Variants in ACOT8 observed in about 807,000 individuals in gnomAD.
ACOT8 encodes the protein acyl-coenzyme A thioesterase 8.
A neutral mutation model predicts 38.4 loss-of-function variants in ACOT8; 31 were observed. That is an observed-to-expected ratio of 0.81 (90% CI 0.61 to 1.09). The LOEUF (loss-of-function observed/expected upper bound fraction) is 1.09. ACOT8 is among the 50% of genes least tolerant of loss of function. The pLI is 0.00. For synonymous variants in ACOT8, 158 were observed against 170.3 expected, an observed-to-expected ratio of 0.93 and a Z score of 0.56; for missense variants, 373 against 421.8, an observed-to-expected ratio of 0.88 and a Z score of 1.01.
rs758017983 is a variant in ACOT8 at position 45,848,540 on chromosome 20, G to A, written c.398C>T (p.Pro133Leu). The change falls in exon 3 of 6, where the codon CCC becomes CTC. Residue 133 changes from proline (P) to leucine (L), a missense_variant. Transcript: ENST00000217455. ...ICQASFQQAQ[P>L]SPMQHQFSMP... is the part of the protein sequence containing the mutation. ...GGAGAACTGGTGCTGCATGGGGCTGGGCTGGGCCTGCTGGAAGGAGGCCTG... is the reference window on the plus strand; with the variant it reads ...GGAGAACTGGTGCTGCATGGGGCTGAGCTGGGCCTGCTGGAAGGAGGCCTG... 1 of 1,614,096 alleles carries A rather than the reference G, an allele frequency of 6.2e-7. No individual in the cohort carries two copies. Among genetic ancestry groups the A allele is most frequent in the South Asian group, 1.1e-5 (1 of 91,076 alleles).
At chr20:45,852,921 G>A (rs1245314264) in intron 2 of ACOT8, among the ~76,000 whole-genome samples, 4 of 151,992 alleles carry the variant, frequency 2.6e-5, no homozygotes, top group Non-Finnish European at 5.9e-5. Context: ...GGCACATGCC[G>A]CCATGCCTGG....
chr20:45,843,125 C>A lies in ACOT8; in HGVS notation c.841+402G>T, dbSNP rs115629094. On this transcript the variant is annotated intron_variant, in intron 5 of 5. Coordinates refer to ENST00000217455, the MANE Select transcript of ACOT8 (RefSeq NM_005469.4). ...AGAATCTTGAGGGTGGAATCAGAAT[C>A]TATTTTGAAAAGGCATCCCCAAATG... is the stretch of plus-strand genomic sequence containing the variant. The A allele has an allele frequency of 2.9e-3, 2,964 of 1,020,816 alleles. 66 individuals carry two copies. The African/African-American group carries it at 0.044, about 15-fold the overall frequency. 63.2% of individuals were successfully genotyped at this position (1,020,816 alleles called of 1,614,324 possible). A position where few individuals can be genotyped will look rare whatever the true frequency, so the allele number is the denominator to read the frequency against.
At chr20:45,848,779 C>G in intron 2 of ACOT8, 104 bp from the exon 3 acceptor site, 1 of 1,037,258 alleles carries the variant, frequency 9.6e-7, no homozygotes, top group Non-Finnish European at 1.4e-6. Context: ...ATCTCAGTGA[C>G]TACTAACTGA....
chr20:45,844,710 T>C (rs1984550444), intron 3 of ACOT8, among the ~76,000 whole-genome samples: 1 of 152,230 alleles, frequency 6.6e-6, no homozygotes, highest in Non-Finnish European at 1.5e-5. Context: ...ATCATGAATA[T>C]CTAACCAACA....
intron 2 of ACOT8, chr20:45,853,955 A>C (rs757940811): frequency 1.2e-5 from 16 of 1,304,448 alleles, no homozygotes; most frequent in African/African-American, 1.5e-5. Flanking sequence ...TCAGCTGGGG[A>C]TCTACGCAGA....
chr20:45,845,705 A>G (rs73291267), intron 3 of ACOT8, among the ~76,000 whole-genome samples: 5,614 of 152,272 alleles, frequency 0.037, 373 homozygotes, highest in African/African-American at 0.13. Context: ...AGAACCTCCT[A>G]TGATGATGGA....
rs145567953 is a variant in ACOT8, at chr20:45,852,353, T to C, written c.262+2806A>G. On this transcript the variant is annotated intron_variant, in intron 2 of 5. Coordinates refer to ENST00000217455, the MANE Select transcript of ACOT8 (RefSeq NM_005469.4). ...TGGCTAATTTTTGTGTGTGTTTTTTTTTTTTAGTAGAGATGGAGTTTCGCC... is the reference window on the plus strand; with the variant it reads ...TGGCTAATTTTTGTGTGTGTTTTTTCTTTTTAGTAGAGATGGAGTTTCGCC... Among the ~76,000 whole-genome samples the C allele has an allele frequency of 2.8e-3, 429 of 151,878 alleles. 3 individuals are homozygous for C. The highest frequency in any genetic ancestry group is 0.01 in the Middle Eastern group (3 of 294).
chr20:45,846,135 C>A (rs555348042), intron 3 of ACOT8, among the ~76,000 whole-genome samples: 63 of 152,298 alleles, frequency 4.1e-4, no homozygotes, highest in African/African-American at 1.4e-3. Flanking sequence ...CCACTGCGCC[C>A]GGACCTATTT....
At chr20:45,847,430 A>G (rs1984753974) in intron 3 of ACOT8, among the ~76,000 whole-genome samples, 1 of 150,906 alleles carries the variant, frequency 6.6e-6, no homozygotes, top group Admixed American at 6.6e-5. Context: ...TATATATAAA[A>G]TATATATATG....
chr20:45,855,689 G>T (rs1396081893), intron 1 of ACOT8, among the ~76,000 whole-genome samples: 1 of 152,188 alleles, frequency 6.6e-6, no homozygotes, highest in Non-Finnish European at 1.5e-5. Flanking sequence ...GGAGGCAGAG[G>T]TTGAGGTGAG....
intron 2 of ACOT8, among the ~76,000 whole-genome samples, chr20:45,852,175 CT>C (rs960180658): frequency 1.0e-3 from 149 of 143,564 alleles, no homozygotes; most frequent in Non-Finnish European, 1.0e-3. Flanking sequence ...GCTAATTTTC[CT>C]TTTTTTTTTT....
intron 1 of ACOT8, among the ~76,000 whole-genome samples, 191 bp downstream of exon 1, chr20:45,856,997 C>G (rs1464927135): frequency 6.6e-6 from 1 of 152,138 alleles, no homozygotes; most frequent in African/African-American, 2.4e-5. Context: ...GACCTCGCAG[C>G]GCGGAGAGGA....
Position 45,855,223 on chromosome 20 carries a change from A to G in ACOT8, c.198T>C (p.Ala66=). The G allele has an allele frequency of 1.9e-6, 3 of 1,614,202 alleles. No homozygotes were observed. The highest frequency in any genetic ancestry group is 2.2e-5 in the South Asian group (2 of 91,090). The change falls in exon 2 of 6, where the codon GCT becomes GCC. Residue 66 remains alanine, a synonymous_variant. Coordinates refer to ENST00000217455, the MANE Select transcript of ACOT8 (RefSeq NM_005469.4). Reference sequence around the variant, plus strand: ...CGTCTTCACTCACAGACTTGGCTGCAGCCACCAGGGCCTGGCCCACGATCT... The same window carrying G: ...CGTCTTCACTCACAGACTTGGCTGCGGCCACCAGGGCCTGGCCCACGATCT... ...GGQIVGQALV[A]AAKSVSEDVH...
Position 45,843,886 on chromosome 20 carries a change from G to A in ACOT8, c.647-165C>T, listed in dbSNP as rs1984467998. The A allele has an allele frequency of 7.4e-6, 10 of 1,352,012 alleles. No individual in the cohort carries two copies. In the South Asian group the frequency reaches 7.5e-5, roughly 10 times the overall value. 83.8% of individuals were successfully genotyped at this position (1,352,012 alleles called of 1,614,324 possible). ...TGTGATAGGGGAGAAGTGAGATGGC[G>A]ACTTGGGGAGGGCAGGGGTGAGCAG... On this transcript the variant is annotated intron_variant, in intron 4 of 5. Coordinates refer to ENST00000217455, the MANE Select transcript of ACOT8 (RefSeq NM_005469.4).
At chr20:45,850,701 A>T (rs1195831680) in intron 2 of ACOT8, among the ~76,000 whole-genome samples, 2 of 152,146 alleles carry the variant, frequency 1.3e-5, no homozygotes, top group African/African-American at 4.8e-5. Context: ...TACAAAAAAT[A>T]AAAAATAAAA....
chr20:45,843,004 G>A (rs1057227638), intron 5 of ACOT8: 19 of 1,078,914 alleles, frequency 1.8e-5, no homozygotes, highest in Admixed American at 4.8e-5. Context: ...GGCCCTTAGG[G>A]ACCACTGAAT....
intron 2 of ACOT8, among the ~76,000 whole-genome samples, chr20:45,849,431 G>C (rs1397092908): frequency 6.6e-6 from 1 of 151,140 alleles, no homozygotes; most frequent in Non-Finnish European, 1.5e-5. Context: ...GACTACAGGG[G>C]TGCATGACCA....
intron 2 of ACOT8, among the ~76,000 whole-genome samples, chr20:45,849,354 G>A (rs141729982): frequency 6.6e-6 from 1 of 151,896 alleles, no homozygotes; most frequent in Non-Finnish European, 1.5e-5. Flanking sequence ...GTGTAATCTC[G>A]GCTCACTGCA....
chr20:45,843,796 G>A (rs1309799001), intron 4 of ACOT8, 75 bp from the exon 5 acceptor site: 1 of 1,566,850 alleles, frequency 6.4e-7, no homozygotes, highest in Admixed American at 1.8e-5. Flanking sequence ...GGGGGAAAAG[G>A]GACTCCCGTG....
Sources: gnomAD v4.1 joint callset for allele counts (sites outside exome capture counted in the v4.1 genomes callset) on GRCh38, gnomAD v4.1.1 for gene constraint, MANE v1.5 for transcripts, NCBI Gene and HGNC (gene_info 2026-07-23, HGNC 2026-07-21) for gene names.